The following ESRRG variants were observed in gnomAD, a reference collection of about 807,000 sequenced individuals.
The protein encoded by ESRRG is estrogen-related receptor gamma.
A neutral mutation model predicts 44.0 loss-of-function variants in ESRRG; 13 were observed. The observed-to-expected ratio is 0.30, with a 90% CI of 0.19 to 0.47. ESRRG has a LOEUF of 0.47. Among genes scored for constraint, ESRRG ranks in the 20% least tolerant of loss-of-function variants. The pLI is 1.00. For missense variants in ESRRG, 395 were observed against 580.6 expected (o/e 0.68, Z 3.29); for synonymous variants, 215 against 214.6 (o/e 1.00, Z -0.02).
At chr1:217,084,194 T>C (rs1345475923) in intron 1 of ESRRG, among the ~76,000 whole-genome samples, 2 of 149,508 alleles carry the variant, frequency 1.3e-5, no homozygotes, top group Non-Finnish European at 3.0e-5. Flanking sequence ...ACTCTGACAA[T>C]AGGATCTATT....
At chr1:216,865,581 G>A (rs750330525) in intron 2 of ESRRG, among the ~76,000 whole-genome samples, 1 of 152,212 alleles carries the variant, frequency 6.6e-6, no homozygotes, top group Non-Finnish European at 1.5e-5. Flanking sequence ...AGTTAAAAGA[G>A]GGAAAAGGAG....
At chr1:217,044,213 C>G (rs1285343684) in intron 1 of ESRRG, among the ~76,000 whole-genome samples, 1 of 152,040 alleles carries the variant, frequency 6.6e-6, no homozygotes, top group South Asian at 2.1e-4. Flanking sequence ...GTCCACTGAC[C>G]ACCCTCCCTT....
intron 1 of ESRRG, among the ~76,000 whole-genome samples, chr1:216,679,481 T>A (rs1302262044): frequency 6.6e-6 from 1 of 152,108 alleles, no homozygotes; most frequent in Non-Finnish European, 1.5e-5. Context: ...ACATACATTA[T>A]GATCTTAGAC....
At position 216,504,038 on chromosome 1, in the gene ESRRG, ATACT is replaced by A. The variant is rs1366169168; in HGVS notation, c.*2897_*2900del. ...TTTAGTTTTATTTCCTATTTGTGAG[ATACT>A]TACTCTTTTGTAATGCTGAGAGTTA... On this transcript the variant is annotated 3_prime_UTR_variant, in exon 7 of 7. Coordinates refer to ENST00000408911, the MANE Select transcript of ESRRG (RefSeq NM_001438.4). 6.6e-6 allele frequency: 1 copy of A among 152,512 alleles called. No individual in the cohort carries two copies. The highest frequency in any genetic ancestry group is 1.5e-5 in the Non-Finnish European group (1 of 67,986). 9.4% of individuals were successfully genotyped at this position (152,512 alleles called of 1,614,324 possible). A position where few individuals can be genotyped will look rare whatever the true frequency, so the allele number is the denominator to read the frequency against.
intron 1 of ESRRG, among the ~76,000 whole-genome samples, chr1:217,006,188 T>C (rs1173295834): frequency 6.6e-6 from 1 of 152,134 alleles, no homozygotes; most frequent in African/African-American, 2.4e-5. Flanking sequence ...ATGTTCAACA[T>C]AAGTTATGCT....
chr1:216,727,239 A>G (rs189586347), upstream of ESRRG, among the ~76,000 whole-genome samples: 397 of 152,322 alleles, frequency 2.6e-3, 2 homozygotes, highest in Middle Eastern at 0.01. Flanking sequence ...AGGATTATAA[A>G]ATCTTTGAAA....
chr1:216,887,481 A>G (rs1000933619), intron 2 of ESRRG, among the ~76,000 whole-genome samples: 1 of 152,220 alleles, frequency 6.6e-6, no homozygotes, highest in Admixed American at 6.5e-5. Context: ...TGGTTGTTAA[A>G]CATGCTGTCG....
At chr1:217,041,073 C>T (rs188229059) in intron 1 of ESRRG, among the ~76,000 whole-genome samples, 265 of 152,240 alleles carry the variant, frequency 1.7e-3, no homozygotes, top group African/African-American at 6.1e-3. Context: ...TCCTTTCCTG[C>T]TCCCCAATCT....
At chr1:216,602,366 C>G (rs1283634356) in intron 3 of ESRRG, among the ~76,000 whole-genome samples, 1 of 152,030 alleles carries the variant, frequency 6.6e-6, no homozygotes, top group Admixed American at 6.6e-5. Flanking sequence ...AAACATAATG[C>G]GAAAAATAAA....
At chr1:216,796,230 C>A (rs541606276) in intron 2 of ESRRG, among the ~76,000 whole-genome samples, 5 of 152,248 alleles carry the variant, frequency 3.3e-5, no homozygotes, top group East Asian at 3.9e-4. Flanking sequence ...CTGCTGAAAA[C>A]GAGAGCATTA....
intron 1 of ESRRG, among the ~76,000 whole-genome samples, chr1:217,080,887 C>G (rs1205106532): frequency 1.3e-5 from 2 of 151,824 alleles, no homozygotes; most frequent in East Asian, 3.9e-4. Context: ...CCGTGTTAGC[C>G]AGGATGGTCT....
At chr1:217,009,137 G>A (rs1282365666) in intron 1 of ESRRG, among the ~76,000 whole-genome samples, 1 of 152,074 alleles carries the variant, frequency 6.6e-6, no homozygotes, top group East Asian at 1.9e-4. Context: ...AATGCTTCCT[G>A]CTCAAGTCAA....
At chr1:216,789,848 G>C (rs1214673848) in intron 2 of ESRRG, among the ~76,000 whole-genome samples, 1 of 152,132 alleles carries the variant, frequency 6.6e-6, no homozygotes, top group Non-Finnish European at 1.5e-5. Flanking sequence ...CTGTATTCCA[G>C]CTCTTTGGCA....
rs1409815889 is a variant in ESRRG at position 216,779,285 on chromosome 1, AT to A, written c.-13-101795del. ...TAAATATATATTTATATTTATAAAC[AT>A]TATATTTATATTTATAAACATTATA... On this transcript the variant is annotated intron_variant, in intron 2 of 7. Coordinates refer to the ESRRG transcript ENST00000359162. Among the ~76,000 whole-genome samples, 123 of 24,362 alleles carry A rather than the reference AT, an allele frequency of 5.0e-3. 5 individuals are homozygous for A. The highest frequency in any genetic ancestry group is 6.6e-3 in the Admixed American group (8 of 1,204). 16.0% of individuals were successfully genotyped at this position (24,362 alleles called of 152,430 possible). A position where few individuals can be genotyped will look rare whatever the true frequency, so the allele number is the denominator to read the frequency against.
chr1:216,680,826 G>C (rs567329195), intron 1 of ESRRG, among the ~76,000 whole-genome samples: 12 of 152,312 alleles, frequency 7.9e-5, no homozygotes, highest in African/African-American at 2.6e-4. Context: ...TTGTCAGCTG[G>C]TGGGTTTTAT....
chr1:216,958,739 C>T (rs758744874), intron 1 of ESRRG, among the ~76,000 whole-genome samples: 2 of 152,104 alleles, frequency 1.3e-5, no homozygotes, highest in African/African-American at 2.4e-5. Context: ...ATCTGCCGCT[C>T]GGGTAACATT....
At chr1:216,644,345 A>C (rs757353328) in intron 3 of ESRRG, among the ~76,000 whole-genome samples, 1 of 152,046 alleles carries the variant, frequency 6.6e-6, no homozygotes, top group African/African-American at 2.4e-5. Context: ...TGTATTTTCT[A>C]GACTTCTACA....
In ESRRG at chr1:216,524,230, C is replaced by CATATATAT. The variant is rs200660943; in HGVS notation, c.863-4817_863-4810dup. ...GTAGGAAACTTTATATATATATATA[C>CATATATAT]ATATATATATATATGTAAGTTATAT... is the stretch of plus-strand genomic sequence containing the variant. On this transcript the variant is annotated intron_variant, in intron 5 of 6. Coordinates refer to ENST00000408911, the MANE Select transcript of ESRRG (RefSeq NM_001438.4). 1.5e-3 allele frequency among the ~76,000 whole-genome samples: 195 copies of CATATATAT among 134,458 alleles called. 2 individuals carry two copies. Among genetic ancestry groups the CATATATAT allele is most frequent in the African/African-American group, 5.4e-3 (188 of 34,714 alleles). The allele number at this position is 134,458 out of a possible 152,430, so 88.2% of individuals were successfully genotyped here.
chr1:216,919,287 T>TA (rs2061547717), intron 2 of ESRRG, among the ~76,000 whole-genome samples: 1 of 152,172 alleles, frequency 6.6e-6, no homozygotes, highest in Non-Finnish European at 1.5e-5. Flanking sequence ...CAAGGGATAC[T>TA]AGTCTTTCCC....
Sources: gnomAD v4.1 joint callset for allele counts (sites outside exome capture counted in the v4.1 genomes callset) on GRCh38, gnomAD v4.1.1 for gene constraint, MANE v1.5 for transcripts, NCBI Gene and HGNC (gene_info 2026-07-23, HGNC 2026-07-21) for gene names.